RBFOX1: variants seen among roughly 807,000 people sequenced by gnomAD.
RBFOX1 encodes RNA binding protein fox-1 homolog 1.
A neutral mutation model predicts 57.7 loss-of-function variants in RBFOX1; 8 were observed. That is an observed-to-expected ratio of 0.14 (90% confidence interval 0.08 to 0.25). RBFOX1 has a LOEUF of 0.25. RBFOX1 is among the 10% of genes least tolerant of loss of function. RBFOX1 has a pLI of 1.00. For missense variants in RBFOX1, 611 were observed against 548.5 expected (o/e 1.11, Z -1.14); for synonymous variants, 326 against 222.4 (o/e 1.47, Z -4.15).
At chr16:7,229,933 AGAGAGAGGG>A in intron 4 of RBFOX1, among the ~76,000 whole-genome samples, 1 of 44,970 alleles carries the variant, frequency 2.2e-5, no homozygotes, top group East Asian at 8.8e-4. Context: ...GGAGGAAGGG[AGAGAGAGGG>A]AGGAAGGGAG....
At chr16:7,356,101 C>G (rs530906165) in intron 4 of RBFOX1, among the ~76,000 whole-genome samples, 1 of 152,150 alleles carries the variant, frequency 6.6e-6, no homozygotes, top group African/African-American at 2.4e-5. Context: ...CATTGATTGA[C>G]GCATTGTCAT....
chr16:5,774,543 G>A (rs185770792), intron 3 of RBFOX1, among the ~76,000 whole-genome samples: 1 of 152,286 alleles, frequency 6.6e-6, no homozygotes, highest in East Asian at 1.9e-4. Context: ...ACATATCCTA[G>A]TAAGTAGTAG....
chr16:6,609,229 G>C (rs1430159023), intron 2 of RBFOX1, among the ~76,000 whole-genome samples: 1 of 152,218 alleles, frequency 6.6e-6, no homozygotes, highest in Non-Finnish European at 1.5e-5. Context: ...TTTATAGATG[G>C]TTGTTGGGAT....
At position 6,404,101 on chromosome 16, in the gene RBFOX1, T is replaced by C. The variant is rs77156648; in HGVS notation, c.-64+87044T>C. 3.0e-3 allele frequency among the ~76,000 whole-genome samples: 455 copies of C among 152,264 alleles called. 1 individual carries two copies. Among genetic ancestry groups the C allele is most frequent in the Non-Finnish European group, 5.0e-3 (342 of 68,010 alleles). Reference sequence around the variant, plus strand: ...TCCATGTCCATGGACTCGGCATCCATGGAGTCAACCAACCACAGATCGAAA... The same window carrying C: ...TCCATGTCCATGGACTCGGCATCCACGGAGTCAACCAACCACAGATCGAAA... On this transcript the variant is annotated intron_variant, in intron 2 of 15. Coordinates refer to ENST00000550418, the MANE Select transcript of RBFOX1 (RefSeq NM_018723.4).
At chr16:6,435,235 G>A (rs1033011076) in intron 2 of RBFOX1, among the ~76,000 whole-genome samples, 1 of 152,082 alleles carries the variant, frequency 6.6e-6, no homozygotes, top group Admixed American at 6.5e-5. Flanking sequence ...GCAAACTGTT[G>A]TGTAACAGAT....
In RBFOX1 at chr16:6,176,692, A is replaced by ATT. The variant is rs71142687; in HGVS notation, c.-126-140293_-126-140292dup. On this transcript the variant is annotated intron_variant, in intron 1 of 15. Transcript: ENST00000550418. ...ATTTGCTAACAACCATTCTTAGGTC[A>ATT]TTTTTTTTTTTCTTTTCCAATCTGA... Among the ~76,000 whole-genome samples the ATT allele has an allele frequency of 3.6e-4, 53 of 148,888 alleles. 1 individual carries two copies. Among genetic ancestry groups the ATT allele is most frequent in the African/African-American group, 6.4e-4 (26 of 40,632 alleles).
chr16:5,372,763 A>C (rs948659232), intron 1 of RBFOX1, among the ~76,000 whole-genome samples: 6 of 152,228 alleles, frequency 3.9e-5, no homozygotes, highest in African/African-American at 1.4e-4. Flanking sequence ...GTTTGATTGC[A>C]AATAAGGAGA....
intron 3 of RBFOX1, among the ~76,000 whole-genome samples, chr16:6,960,775 T>G (rs12928362): frequency 0.7 from 106,322 of 151,612 alleles, 37,386 homozygotes; most frequent in African/African-American, 0.72. Flanking sequence ...TCTTCAATCA[T>G]CATATCCCTG....
chr16:7,356,274 C>T (rs868635297), intron 4 of RBFOX1, among the ~76,000 whole-genome samples: 5 of 152,206 alleles, frequency 3.3e-5, no homozygotes, highest in Middle Eastern at 6.8e-3. Context: ...AGGATGGAGG[C>T]CCACACAGGC....
intron 3 of RBFOX1, among the ~76,000 whole-genome samples, chr16:5,615,870 C>T (rs1341341173): frequency 1.3e-5 from 2 of 152,042 alleles, no homozygotes; most frequent in African/African-American, 4.8e-5. Flanking sequence ...TTTTTTTCTC[C>T]CCAATTATTT....
chr16:6,039,997 C>G (rs1439353830), intron 1 of RBFOX1, among the ~76,000 whole-genome samples: 1 of 152,130 alleles, frequency 6.6e-6, no homozygotes, highest in Admixed American at 6.6e-5. Flanking sequence ...CAGCTTTTGT[C>G]CTTTAGAGCA....
At chr16:6,680,824 A>C (rs913415793) in intron 3 of RBFOX1, among the ~76,000 whole-genome samples, 1 of 152,208 alleles carries the variant, frequency 6.6e-6, no homozygotes, top group African/African-American at 2.4e-5. Flanking sequence ...GCAATATTAA[A>C]AGCTTCTTGG....
At chr16:7,183,401 C>T (rs1024424011) in intron 4 of RBFOX1, among the ~76,000 whole-genome samples, 4 of 152,102 alleles carry the variant, frequency 2.6e-5, no homozygotes, top group Admixed American at 6.5e-5. Flanking sequence ...GCACTTGAGG[C>T]CAGTGGGCAC....
At chr16:5,345,093 G>T (rs1200776759) in intron 1 of RBFOX1, among the ~76,000 whole-genome samples, 1 of 152,124 alleles carries the variant, frequency 6.6e-6, no homozygotes, top group African/African-American at 2.4e-5. Context: ...GGAGCCCATC[G>T]TGAAGACATC....
At chr16:5,576,125 AG>A (rs1305723352) in intron 2 of RBFOX1, among the ~76,000 whole-genome samples, 3 of 152,130 alleles carry the variant, frequency 2.0e-5, no homozygotes, top group African/African-American at 7.2e-5. Context: ...CTGGGATTGC[AG>A]GTGCCTGCCA....
At chr16:6,765,740 C>T (rs1448957495) in intron 3 of RBFOX1, among the ~76,000 whole-genome samples, 6 of 152,110 alleles carry the variant, frequency 3.9e-5, no homozygotes, top group Admixed American at 3.3e-4. Context: ...AGCCTTAGTG[C>T]CCAGCAACCA....
At chr16:6,195,048 T>G (rs2097170897) in intron 1 of RBFOX1, among the ~76,000 whole-genome samples, 1 of 152,224 alleles carries the variant, frequency 6.6e-6, no homozygotes, top group Admixed American at 6.5e-5. Context: ...TGCCCCCAAA[T>G]CTTTCAGATA....
intron 3 of RBFOX1, among the ~76,000 whole-genome samples, chr16:5,612,940 C>A (rs895402278): frequency 3.3e-5 from 5 of 152,198 alleles, no homozygotes; most frequent in Admixed American, 2.0e-4. Flanking sequence ...CTGGCCCCTT[C>A]CTGGCACATA....
At chr16:7,674,154 G>A (rs142352027) in intron 13 of RBFOX1, among the ~76,000 whole-genome samples, 1 of 152,264 alleles carries the variant, frequency 6.6e-6, no homozygotes, top group Admixed American at 6.5e-5. Context: ...AGTATGAATT[G>A]CATACAGAAG....
Sources: gnomAD v4.1 joint callset for allele counts (sites outside exome capture counted in the v4.1 genomes callset) on GRCh38, gnomAD v4.1.1 for gene constraint, MANE v1.5 for transcripts, NCBI Gene and HGNC (gene_info 2026-07-23, HGNC 2026-07-21) for gene names.